Variants in ACVRL1 observed in about 807,000 individuals in gnomAD.
ACVRL1 encodes the protein activin A receptor like type 1.
Under a neutral mutation model 51.9 loss-of-function variants are expected in ACVRL1, and 20 were observed. That is an observed-to-expected ratio of 0.39 (90% confidence interval 0.27 to 0.56). The LOEUF (loss-of-function observed/expected upper bound fraction) is 0.56, where lower values mean the gene tolerates loss of function less well. ACVRL1 is among the 20% of genes least tolerant of loss of function. The pLI is 0.67. For missense variants in ACVRL1, 451 were observed against 670.3 expected (o/e 0.67, Z 3.61); for synonymous variants, 288 against 280.9 (o/e 1.03, Z -0.25).
chr12:51,907,580 C>A lies in ACVRL1; in HGVS notation c.-121C>A, dbSNP rs1204376487. The stretch of plus-strand genomic sequence containing the variant: ...GCTCCAGCCCGGTCCGGGGCCGCGC[C>A]CGGACCCCAGCCCGCCGTCCAGCGC... On this transcript the variant is annotated 5_prime_UTR_variant, in exon 1 of 10. Transcript: ENST00000388922. This position sits in a 1 kb window ranked among gnomAD's most constrained non-coding sequence, Gnocchi z 4.5. 1 of 152,012 alleles carries A rather than the reference C, an allele frequency of 6.6e-6. No homozygotes were observed. Among genetic ancestry groups the A allele is most frequent in the Non-Finnish European group, 1.5e-5 (1 of 67,990 alleles). The allele number at this position is 152,012 out of a possible 1,614,324, so 9.4% of individuals were successfully genotyped here. A position where few individuals can be genotyped will look rare whatever the true frequency, so the allele number is the denominator to read the frequency against.
chr12:51,914,630 C>G, intron 6 of ACVRL1, 45 bp downstream of exon 6: 2 of 1,581,980 alleles, frequency 1.3e-6, no homozygotes, highest in South Asian at 2.3e-5. Flanking sequence ...CTTTGCCCCC[C>G]TGCACTCAGG....
chr12:51,912,046 G>A (rs1228687057), intron 1 of ACVRL1, among the ~76,000 whole-genome samples: 2 of 152,170 alleles, frequency 1.3e-5, no homozygotes, highest in Non-Finnish European at 2.9e-5. Flanking sequence ...AGGGCTGGGG[G>A]GGCATTGAGA....
Position 51,913,113 on chromosome 12 carries a change from C to G in ACVRL1, c.76C>G (p.Pro26Ala). 6.2e-7 allele frequency: 1 copy of G among 1,605,024 alleles called. No individual in the cohort carries two copies. The highest frequency in any genetic ancestry group is 8.5e-7 in the Non-Finnish European group (1 of 1,179,210). The change falls in exon 3 of 10, where the codon CCG becomes GCG. Residue 26 changes from proline (P) to alanine (A), a missense_variant. By Grantham distance (27) the Pro-to-Ala change is conservative (BLOSUM62 -1). Coordinates refer to ENST00000388922, the MANE Select transcript of ACVRL1 (RefSeq NM_000020.3). Reference sequence around the variant, plus strand: ...GTGTCTTCCAGGAGACCCTGTGAAGCCGTCTCGGGGCCCGCTGGTGACCTG... The same window carrying G: ...GTGTCTTCCAGGAGACCCTGTGAAGGCGTCTCGGGGCCCGCTGGTGACCTG... ...ALVTQGDPVK[P>A]SRGPLVTCTC...
intron 1 of ACVRL1, among the ~76,000 whole-genome samples, chr12:51,910,120 C>T (rs1484764445): frequency 6.6e-6 from 1 of 152,130 alleles, no homozygotes; most frequent in Non-Finnish European, 1.5e-5. Context: ...TTGGACAGTC[C>T]CAATTTTACT....
rs1013722862 is a variant in ACVRL1, at chr12:51,917,922, C to T, written c.1247-1063C>T. Among the ~76,000 whole-genome samples the T allele has an allele frequency of 1.3e-5, 2 of 152,134 alleles. No individual in the cohort carries two copies. The highest frequency in any genetic ancestry group is 4.8e-5 in the African/African-American group (2 of 41,438). On this transcript the variant is annotated intron_variant, in intron 8 of 9. Coordinates refer to ENST00000388922, the MANE Select transcript of ACVRL1 (RefSeq NM_000020.3). This position sits in a 1 kb window ranked among gnomAD's most constrained non-coding sequence, Gnocchi z 4.2. Reference sequence around the variant, plus strand: ...AAACACTGTAATCTGGTGTCAGCCCCGGCACTGATTAAAGGCCCATTAGAC... The same window carrying T: ...AAACACTGTAATCTGGTGTCAGCCCTGGCACTGATTAAAGGCCCATTAGAC...
intron 2 of ACVRL1, 39 bp downstream of exon 2, chr12:51,912,574 A>G (rs1354676376): frequency 1.3e-6 from 2 of 1,538,698 alleles, no homozygotes; most frequent in South Asian, 2.2e-5. Flanking sequence ...AGGAACCTGG[A>G]TACAGAAAGG....
intron 8 of ACVRL1, among the ~76,000 whole-genome samples, 194 bp downstream of exon 8, chr12:51,916,427 G>C (rs1466526055): frequency 1.3e-5 from 2 of 152,240 alleles, no homozygotes; most frequent in Non-Finnish European, 2.9e-5. Context: ...AACAGGGTCT[G>C]TGAGTCTGGC....
At position 51,919,032 on chromosome 12, in the gene ACVRL1, G is replaced by T; in HGVS notation, c.1294G>T (p.Asp432Tyr). ...ACCCTTCTATGATGTGGTGCCCAAT[G>T]ACCCCAGCTTTGAGGACATGAAGAA... ...RPPFYDVVPN[D>Y]PSFEDMKKVV... Residue 432 changes from aspartate to tyrosine, a missense_variant, in exon 9 of 10, where the codon GAC becomes TAC. This residue lies in a region of ACVRL1 where 259 missense variants were observed against 453.4 expected (regional missense o/e 0.57). Transcript: ENST00000388922. The T allele has an allele frequency of 6.2e-7, 1 of 1,614,136 alleles. No homozygotes were observed. Among genetic ancestry groups the T allele is most frequent in the East Asian group, 2.2e-5 (1 of 44,876 alleles).
chr12:51,922,214 T>C lies in ACVRL1; in HGVS notation c.*1321T>C, dbSNP rs1323425886. The C allele has an allele frequency of 1.3e-5, 2 of 152,240 alleles. No homozygotes were observed. Among genetic ancestry groups the C allele is most frequent in the Admixed American group, 6.5e-5 (1 of 15,284 alleles). The allele number at this position is 152,240 out of a possible 1,614,324, so 9.4% of individuals were successfully genotyped here. On this transcript the variant is annotated 3_prime_UTR_variant, in exon 10 of 10. Coordinates refer to ENST00000388922, the MANE Select transcript of ACVRL1 (RefSeq NM_000020.3). ...ATGGGGGTTTGAAAATAACTTTACC[T>C]GACTCAAGGAGTGTCTGGAGCACCT...
In ACVRL1 at chr12:51,913,090, GT is replaced by G; in HGVS notation, c.62-8del. The G allele has an allele frequency of 6.2e-7, 1 of 1,600,920 alleles. No homozygotes were observed. The highest frequency in any genetic ancestry group is 8.5e-7 in the Non-Finnish European group (1 of 1,178,706). On this transcript the variant is annotated splice_polypyrimidine_tract_variant and splice_region_variant and intron_variant, in intron 2 of 9. Coordinates refer to ENST00000388922, the MANE Select transcript of ACVRL1 (RefSeq NM_000020.3). ...ACCACAGTGGCTGAGCTTCCGGTGT[GT>G]CTTCCAGGAGACCCTGTGAAGCCGT...
intron 8 of ACVRL1, 128 bp from the exon 9 acceptor site, chr12:51,918,857 C>T (rs1940903120): frequency 3.0e-6 from 4 of 1,337,510 alleles, no homozygotes; most frequent in Non-Finnish European, 4.3e-6. Context: ...TACTGTCCCT[C>T]TCAGGGGTAG....
chr12:51,908,501 T>A (rs924862228), intron 1 of ACVRL1, among the ~76,000 whole-genome samples: 2 of 152,222 alleles, frequency 1.3e-5, no homozygotes, highest in South Asian at 4.1e-4. Flanking sequence ...ACTAACTATG[T>A]AGACACTTAG....
intron 1 of ACVRL1, among the ~76,000 whole-genome samples, chr12:51,910,982 A>T (rs759880793): frequency 4.6e-5 from 7 of 152,176 alleles, no homozygotes; most frequent in Non-Finnish European, 1.0e-4. Context: ...GAGCCTCAGC[A>T]TCTTGGGTCT....
Position 51,922,493 on chromosome 12 carries a change from G to A in ACVRL1, c.*1600G>A, listed in dbSNP as rs1346436343. 1 of 152,258 alleles carries A rather than the reference G, an allele frequency of 6.6e-6. No individual in the cohort carries two copies. The highest frequency in any genetic ancestry group is 6.5e-5 in the Admixed American group (1 of 15,288). 9.4% of individuals were successfully genotyped at this position (152,258 alleles called of 1,614,324 possible). On this transcript the variant is annotated 3_prime_UTR_variant, in exon 10 of 10. Coordinates refer to ENST00000388922, the MANE Select transcript of ACVRL1 (RefSeq NM_000020.3). The stretch of plus-strand genomic sequence containing the variant: ...AGGCCCACACCCCTGGCCAGGCCCA[G>A]AGAGTGTGTCTCAGGAGAATTCAAT...
chr12:51,913,846 A>C, intron 4 of ACVRL1, 76 bp downstream of exon 4: 1 of 1,584,840 alleles, frequency 6.3e-7, no homozygotes, highest in African/African-American at 1.3e-5. Flanking sequence ...GGTCACCCAG[A>C]GATTAGAGCC....
At chr12:51,919,376 T>TGA (rs1262918365) in intron 9 of ACVRL1, 104 of 484,548 alleles carry the variant, frequency 2.1e-4, no homozygotes, top group African/African-American at 2.1e-3. Flanking sequence ...TGTGTGTGTG[T>TGA]GTGTGTGTGT....
intron 9 of ACVRL1, 153 bp downstream of exon 9, chr12:51,919,268 C>T: frequency 1.7e-6 from 2 of 1,180,774 alleles, no homozygotes; most frequent in South Asian, 1.3e-5. Context: ...TCTTTCAACC[C>T]TGGCCCATGC....
In ACVRL1 at chr12:51,917,267, C is replaced by T. The variant is rs1295840520; in HGVS notation, c.1246+1034C>T. On this transcript the variant is annotated intron_variant, in intron 8 of 9. Coordinates refer to ENST00000388922, the MANE Select transcript of ACVRL1 (RefSeq NM_000020.3). The surrounding 1 kb of genome is among the most constrained non-coding windows in gnomAD (Gnocchi z 4.2). ...CTTAAACCTCTCTGGCCCTTGATTT[C>T]CTCATGCACGCAATGCATGTGAGTG... Among the ~76,000 whole-genome samples the T allele has an allele frequency of 6.6e-6, 1 of 152,216 alleles. No homozygotes were observed. The highest frequency in any genetic ancestry group is 1.5e-5 in the Non-Finnish European group (1 of 68,036).
chr12:51,913,695 G>A lies in ACVRL1; in HGVS notation c.450G>A (p.Gln150=). Residue 150 remains glutamine, a synonymous_variant, in exon 4 of 10, where the codon CAG becomes CAA. Transcript: ENST00000388922. Reference sequence around the variant, plus strand: ...ATGTCCGACGGAGGCAGGAGAAGCAGCGTGGCCTGCACAGCGAGCTGGGAG... The same window carrying A: ...ATGTCCGACGGAGGCAGGAGAAGCAACGTGGCCTGCACAGCGAGCTGGGAG... ...LWHVRRRQEK[Q]RGLHSELGES... The A allele has an allele frequency of 1.9e-6, 3 of 1,611,548 alleles. No homozygotes were observed. The highest frequency in any genetic ancestry group is 2.5e-6 in the Non-Finnish European group (3 of 1,180,020).
Sources: allele counts gnomAD v4.1 joint callset (sites outside exome capture counted in the v4.1 genomes callset), GRCh38; gene constraint gnomAD v4.1.1; regional missense constraint gnomAD v4.1.1; non-coding constraint Gnocchi (gnomAD v3.1); transcripts MANE v1.5; gene names NCBI Gene and HGNC (gene_info 2026-07-23, HGNC 2026-07-21).